The following LTBP1 variants were observed in gnomAD, a reference collection of about 807,000 sequenced individuals.
The protein encoded by LTBP1 is latent-transforming growth factor beta-binding protein 1.
A neutral mutation model predicts 207.6 loss-of-function variants in LTBP1; 129 were observed. The ratio of observed to expected loss-of-function variants is 0.62; its 90% CI spans 0.54 to 0.72. The LOEUF is 0.72. LTBP1 is among the 30% of genes least tolerant of loss of function. The pLI is 0.00. For synonymous variants in LTBP1, 963 were observed against 833.7 expected (o/e 1.16, Z -2.67); for missense variants, 2,281 against 2,217.2 (o/e 1.03, Z -0.58).
chr2:33,273,840 A>AT, intron 16 of LTBP1, 59 bp downstream of exon 16: 3 of 1,460,782 alleles, frequency 2.1e-6, no homozygotes, highest in Middle Eastern at 2.0e-4. Flanking sequence ...CATTAAGAAC[A>AT]TTTTTTTCTT....
At chr2:33,193,117 TTA>T (rs1452480226) in intron 7 of LTBP1, among the ~76,000 whole-genome samples, 1 of 152,086 alleles carries the variant, frequency 6.6e-6, no homozygotes, top group Non-Finnish European at 1.5e-5. Flanking sequence ...AGTATTGGGA[TTA>T]TGTAGGAAAA....
intron 4 of LTBP1, among the ~76,000 whole-genome samples, chr2:33,118,545 C>T (rs1291719602): frequency 6.6e-6 from 1 of 152,162 alleles, no homozygotes; most frequent in Non-Finnish European, 1.5e-5. Flanking sequence ...GAAAGAAAGG[C>T]GTCTGCTTTT....
At chr2:33,135,819 G>A (rs2082099546) in intron 5 of LTBP1, among the ~76,000 whole-genome samples, 1 of 152,114 alleles carries the variant, frequency 6.6e-6, no homozygotes, top group Non-Finnish European at 1.5e-5. Flanking sequence ...ACCAATTATG[G>A]TTTGCCATGT....
chr2:33,192,097 G>C (rs192551130), intron 7 of LTBP1, among the ~76,000 whole-genome samples: 16 of 152,304 alleles, frequency 1.1e-4, no homozygotes, highest in Admixed American at 7.8e-4. Context: ...AGAGGAAAGA[G>C]AACAGTACAA....
chr2:32,986,608 A>G (rs1257555553), intron 2 of LTBP1, among the ~76,000 whole-genome samples: 1 of 152,146 alleles, frequency 6.6e-6, no homozygotes, highest in Non-Finnish European at 1.5e-5. Flanking sequence ...CAAGATGATG[A>G]CAGCAGAAAG....
At chr2:33,200,943 G>A (rs1286150185) in intron 7 of LTBP1, among the ~76,000 whole-genome samples, 1 of 152,224 alleles carries the variant, frequency 6.6e-6, no homozygotes, top group Non-Finnish European at 1.5e-5. Flanking sequence ...TCTGACACCA[G>A]TTAGAATGGC....
intron 3 of LTBP1, among the ~76,000 whole-genome samples, chr2:33,041,197 C>A (rs2076163992): frequency 6.6e-6 from 1 of 152,140 alleles, no homozygotes; most frequent in Non-Finnish European, 1.5e-5. Flanking sequence ...ACTGTCTTGT[C>A]TGGGTCAGGC....
At chr2:33,147,588 A>G (rs74507848) in intron 5 of LTBP1, among the ~76,000 whole-genome samples, 2,256 of 152,332 alleles carry the variant, frequency 0.015, 23 homozygotes, top group East Asian at 0.026. Flanking sequence ...ACTCAACCAT[A>G]TCATCAAATA....
At chr2:33,119,502 C>G (rs1394797906) in intron 4 of LTBP1, among the ~76,000 whole-genome samples, 1 of 152,214 alleles carries the variant, frequency 6.6e-6, no homozygotes, top group Non-Finnish European at 1.5e-5. Context: ...TTGAAAATGA[C>G]TGCATTGGAG....
chr2:32,947,804 G>T lies in LTBP1; in HGVS notation c.480G>T (p.Lys160Asn). The T allele has an allele frequency of 6.9e-7, 1 of 1,455,118 alleles. No homozygotes were observed. The highest frequency in any genetic ancestry group is 9.1e-7 in the Non-Finnish European group (1 of 1,097,682). 90.1% of individuals were successfully genotyped at this position (1,455,118 alleles called of 1,614,324 possible). ...GCTCTAGGCTGCAGGTTCACCAGAA[G>T]CAGCAGCTGCAGGGGTAAGCCCACA... ...GGGSRLQVHQ[K>N]QQLQGVNVCG... The change falls in exon 1 of 34, where the codon AAG becomes AAT. Residue 160 changes from lysine to asparagine, a missense_variant. Coordinates refer to ENST00000404816, the MANE Select transcript of LTBP1 (RefSeq NM_206943.4).
intron 31 of LTBP1, among the ~76,000 whole-genome samples, chr2:33,380,897 GAA>G (rs943587338): frequency 6.6e-6 from 1 of 151,920 alleles, no homozygotes; most frequent in Admixed American, 6.6e-5. Flanking sequence ...GGTTAATGAA[GAA>G]AAAAAGTTCT....
Position 33,060,605 on chromosome 2 carries a change from A to G in LTBP1, c.863+39399A>G, listed in dbSNP as rs546606193. 1.8e-3 allele frequency among the ~76,000 whole-genome samples: 276 copies of G among 151,020 alleles called. 1 individual carries two copies. The highest frequency in any genetic ancestry group is 6.1e-3 in the African/African-American group (252 of 41,136). On this transcript the variant is annotated intron_variant, in intron 3 of 33. Transcript: ENST00000404816. ...AGGTGAGATATGGAGGGAGGCAGGG[A>G]GGGAACTTTTAATACCGTTCGTTGT...
intron 22 of LTBP1, among the ~76,000 whole-genome samples, chr2:33,303,835 C>T (rs956279319): frequency 6.6e-6 from 1 of 152,244 alleles, no homozygotes; most frequent in Non-Finnish European, 1.5e-5. Context: ...TAACAGGCCA[C>T]GGACCCGTAC....
intron 3 of LTBP1, among the ~76,000 whole-genome samples, chr2:33,035,494 A>G (rs543812118): frequency 6.6e-6 from 1 of 152,358 alleles, no homozygotes; most frequent in Non-Finnish European, 1.5e-5. Context: ...AATGGGAGTG[A>G]TGGTGAGGTG....
intron 3 of LTBP1, among the ~76,000 whole-genome samples, chr2:33,101,930 C>T (rs1230962744): frequency 6.6e-6 from 1 of 152,052 alleles, no homozygotes; most frequent in African/African-American, 2.4e-5. Flanking sequence ...AACACAGTTA[C>T]CTCATCCTTT....
intron 2 of LTBP1, among the ~76,000 whole-genome samples, chr2:32,993,068 G>T (rs1684667127): frequency 6.6e-6 from 1 of 152,110 alleles, no homozygotes; most frequent in African/African-American, 2.4e-5. Flanking sequence ...GATGGAGAGA[G>T]CCCACAGCAG....
chr2:32,953,335 C>G (rs761903591), intron 2 of LTBP1, among the ~76,000 whole-genome samples: 31 of 152,228 alleles, frequency 2.0e-4, no homozygotes, highest in Non-Finnish European at 4.4e-4. Flanking sequence ...ACTTGGGAGT[C>G]GAGCCCAGAG....
intron 3 of LTBP1, among the ~76,000 whole-genome samples, chr2:33,058,516 C>T (rs115194739): frequency 6.6e-6 from 1 of 152,176 alleles, no homozygotes; most frequent in Non-Finnish European, 1.5e-5. Context: ...TTTTCTCCCC[C>T]CTTCTTTTCA....
intron 2 of LTBP1, among the ~76,000 whole-genome samples, chr2:32,959,190 A>C (rs1432952331): frequency 6.6e-6 from 1 of 152,100 alleles, no homozygotes; most frequent in Non-Finnish European, 1.5e-5. Context: ...AGGAAAGATG[A>C]ATTTGGTCAG....
Sources: allele counts gnomAD v4.1 joint callset (sites outside exome capture counted in the v4.1 genomes callset), GRCh38; gene constraint gnomAD v4.1.1; transcripts MANE v1.5; gene names NCBI Gene and HGNC (gene_info 2026-07-23, HGNC 2026-07-21).